SLC24A2: variants seen among roughly 807,000 people sequenced by gnomAD.
SLC24A2 encodes sodium/potassium/calcium exchanger 2.
A neutral mutation model predicts 62.0 loss-of-function variants in SLC24A2; 36 were observed. That is an observed-to-expected ratio of 0.58 (90% CI 0.44 to 0.77). The LOEUF is 0.77. Among genes scored for constraint, SLC24A2 ranks in the 30% least tolerant of loss-of-function variants. The probability of loss-of-function intolerance (pLI) is 0.00; values close to 1 mark genes in which losing one functional copy is unlikely to be tolerated. For synonymous variants in SLC24A2, 358 were observed against 294.0 expected (o/e 1.22, Z -2.23); for missense variants, 846 against 817.9 (o/e 1.03, Z -0.42).
the SLC24A2 span, among the ~76,000 whole-genome samples, chr9:19,860,025 A>C: frequency 6.6e-6 from 1 of 152,144 alleles, no homozygotes; most frequent in Non-Finnish European, 1.5e-5. Flanking sequence ...TAGGACACAA[A>C]GACTACAACT....
At chr9:19,767,954 G>A (rs1822570577) in intron 2 of SLC24A2, among the ~76,000 whole-genome samples, 1 of 152,304 alleles carries the variant, frequency 6.6e-6, no homozygotes, top group Admixed American at 6.5e-5. Context: ...TGTCTGCAGA[G>A]TCCTGAGGCA....
chr9:19,835,973 A>G, the SLC24A2 span, among the ~76,000 whole-genome samples: 307 of 152,354 alleles, frequency 2.0e-3, no homozygotes, highest in African/African-American at 7.1e-3. Context: ...CTCCTGAATG[A>G]CTACTGGGTA....
chr9:20,190,512 A>G, the SLC24A2 span, among the ~76,000 whole-genome samples: 579 of 152,304 alleles, frequency 3.8e-3, 4 homozygotes, highest in African/African-American at 0.013. Context: ...AATATACATC[A>G]TATATTGTGC....
At chr9:20,281,305 A>T in the SLC24A2 span, among the ~76,000 whole-genome samples, 8 of 152,204 alleles carry the variant, frequency 5.3e-5, no homozygotes, top group Admixed American at 3.9e-4. Context: ...GGAAACTATA[A>T]ACTTTTTATA....
At chr9:19,998,843 T>C in the SLC24A2 span, among the ~76,000 whole-genome samples, 1 of 152,220 alleles carries the variant, frequency 6.6e-6, no homozygotes, top group African/African-American at 2.4e-5. Context: ...TTGCTATACA[T>C]AGCAGCTTTC....
At chr9:19,798,088 ATT>A in the SLC24A2 span, among the ~76,000 whole-genome samples, 1 of 152,084 alleles carries the variant, frequency 6.6e-6, no homozygotes, top group Non-Finnish European at 1.5e-5. Context: ...ATTGGATCTT[ATT>A]TTTTAATCTG....
intron 2 of SLC24A2, among the ~76,000 whole-genome samples, chr9:19,776,898 C>T (rs1286126483): frequency 1.3e-5 from 2 of 152,190 alleles, no homozygotes; most frequent in Non-Finnish European, 2.9e-5. Flanking sequence ...GAATCTCCCA[C>T]ATTCCAGATG....
chr9:19,838,724 G>A, the SLC24A2 span, among the ~76,000 whole-genome samples: 5 of 147,978 alleles, frequency 3.4e-5, no homozygotes, highest in African/African-American at 1.2e-4. Context: ...TCTAAGCATT[G>A]TATTCTTTTT....
In SLC24A2 at chr9:19,599,315, T is replaced by C. The variant is rs1023919635; in HGVS notation, c.1079-2036A>G. ...ATCGCTTCTTAGCTGCTTCCTTGGA[T>C]ATGATGAATGAGACTGAAGAACAAG... is the stretch of plus-strand genomic sequence containing the variant. On this transcript the variant is annotated intron_variant, in intron 4 of 10. Coordinates refer to ENST00000341998, the MANE Select transcript of SLC24A2 (RefSeq NM_020344.4). This position sits in a 1 kb window ranked among gnomAD's most constrained non-coding sequence, Gnocchi z 4.5. 2.6e-5 allele frequency among the ~76,000 whole-genome samples: 4 copies of C among 152,158 alleles called. No individual in the cohort carries two copies. The highest frequency in any genetic ancestry group is 9.7e-5 in the African/African-American group (4 of 41,434).
the SLC24A2 span, among the ~76,000 whole-genome samples, chr9:20,013,875 G>A: frequency 1.3e-5 from 2 of 152,116 alleles, no homozygotes; most frequent in Non-Finnish European, 2.9e-5. Flanking sequence ...AAACCACAAG[G>A]AAATATCACC....
chr9:20,046,636 C>A, the SLC24A2 span, among the ~76,000 whole-genome samples: 1 of 152,162 alleles, frequency 6.6e-6, no homozygotes, highest in Non-Finnish European at 1.5e-5. Flanking sequence ...CTCAGAGTTA[C>A]AAGTGAACCT....
At chr9:20,092,298 G>A in the SLC24A2 span, among the ~76,000 whole-genome samples, 3 of 152,164 alleles carry the variant, frequency 2.0e-5, no homozygotes, top group Admixed American at 1.3e-4. Context: ...CTTTCAACTT[G>A]TATTTGTATG....
At chr9:20,173,323 C>T in the SLC24A2 span, among the ~76,000 whole-genome samples, 1 of 152,012 alleles carries the variant, frequency 6.6e-6, no homozygotes, top group Non-Finnish European at 1.5e-5. Flanking sequence ...ACTGGAAGTC[C>T]TAGCCAGAGC....
the SLC24A2 span, among the ~76,000 whole-genome samples, chr9:20,236,307 A>G: frequency 2.0e-5 from 3 of 152,222 alleles, no homozygotes; most frequent in African/African-American, 7.2e-5. Context: ...TAAATATTCA[A>G]GACAGATACA....
chr9:20,121,873 A>T, the SLC24A2 span, among the ~76,000 whole-genome samples: 1 of 152,196 alleles, frequency 6.6e-6, no homozygotes, highest in African/African-American at 2.4e-5. Context: ...ACCCCTTTTA[A>T]TTATATTACT....
the SLC24A2 span, among the ~76,000 whole-genome samples, chr9:20,146,460 T>C: frequency 6.6e-5 from 10 of 152,150 alleles, no homozygotes; most frequent in African/African-American, 2.4e-4. Flanking sequence ...CTGTAACTTA[T>C]TCTGATCCTG....
chr9:20,080,578 T>G, the SLC24A2 span, among the ~76,000 whole-genome samples: 1 of 152,016 alleles, frequency 6.6e-6, no homozygotes, highest in African/African-American at 2.4e-5. Flanking sequence ...CAAGGACTTC[T>G]TGTCTAAAAC....
At chr9:20,249,996 A>G in the SLC24A2 span, among the ~76,000 whole-genome samples, 1 of 152,224 alleles carries the variant, frequency 6.6e-6, no homozygotes, top group Non-Finnish European at 1.5e-5. Context: ...ACATTTATAA[A>G]TTGTCTTGGG....
At chr9:19,929,998 C>A in the SLC24A2 span, 1 of 151,928 alleles carries the variant, frequency 6.6e-6, no homozygotes, top group African/African-American at 2.4e-5. Flanking sequence ...GTGTTTTAAG[C>A]TAAGTGTTAT....
Sources: allele counts gnomAD v4.1 joint callset (sites outside exome capture counted in the v4.1 genomes callset), GRCh38; gene constraint gnomAD v4.1.1; non-coding constraint Gnocchi (gnomAD v3.1); transcripts MANE v1.5; gene names NCBI Gene and HGNC (gene_info 2026-07-23, HGNC 2026-07-21).